The following OSBPL10 variants were observed in gnomAD, a reference collection of about 807,000 sequenced individuals.
OSBPL10 encodes oxysterol-binding protein-related protein 10.
Under a neutral mutation model 81.7 loss-of-function variants are expected in OSBPL10, and 49 were observed. The ratio of observed to expected loss-of-function variants is 0.60; its 90% CI spans 0.48 to 0.76. The LOEUF (loss-of-function observed/expected upper bound fraction) is 0.76, where lower values mean the gene tolerates loss of function less well. OSBPL10 is among the 30% of genes least tolerant of loss of function. The probability of loss-of-function intolerance (pLI) is 0.00; values close to 1 mark genes in which losing one functional copy is unlikely to be tolerated. For missense variants in OSBPL10, 923 were observed against 987.8 expected (o/e 0.93, Z 0.88); for synonymous variants, 419 against 383.6 (o/e 1.09, Z -1.08).
intron 7 of OSBPL10, among the ~76,000 whole-genome samples, chr3:31,700,652 T>C (rs1185968035): frequency 6.6e-6 from 1 of 152,250 alleles, no homozygotes; most frequent in Non-Finnish European, 1.5e-5. Flanking sequence ...AACTCACTAA[T>C]GGTTCATGAC....
At chr3:31,863,172 C>G (rs1701099743) in intron 3 of OSBPL10, among the ~76,000 whole-genome samples, 1 of 152,096 alleles carries the variant, frequency 6.6e-6, no homozygotes, top group African/African-American at 2.4e-5. Context: ...CAAAGAGACA[C>G]AATATTGCAT....
chr3:31,980,422 G>A (rs184720032), intron 1 of OSBPL10, among the ~76,000 whole-genome samples: 1 of 152,180 alleles, frequency 6.6e-6, no homozygotes. Context: ...TGATGGTGGT[G>A]GTGTTCTGAA....
intron 5 of OSBPL10, among the ~76,000 whole-genome samples, chr3:31,747,510 A>C (rs1697564177): frequency 6.7e-6 from 1 of 148,344 alleles, no homozygotes; most frequent in African/African-American, 2.6e-5. Context: ...AAAAAAAAAA[A>C]CACAGAATGC....
intron 4 of OSBPL10, among the ~76,000 whole-genome samples, chr3:31,791,519 T>C (rs190605776): frequency 6.6e-6 from 1 of 152,350 alleles, no homozygotes; most frequent in East Asian, 1.9e-4. Context: ...TTCAGTCTTA[T>C]GCCCCAGAGG....
chr3:31,931,664 A>T (rs192174556), intron 1 of OSBPL10, among the ~76,000 whole-genome samples: 52 of 152,370 alleles, frequency 3.4e-4, no homozygotes, highest in Admixed American at 3.4e-3. Flanking sequence ...TTCTTACAGA[A>T]CACTCATTAT....
At chr3:31,912,027 G>A (rs1056321791) in intron 1 of OSBPL10, among the ~76,000 whole-genome samples, 1 of 151,528 alleles carries the variant, frequency 6.6e-6, no homozygotes, top group African/African-American at 2.4e-5. Context: ...CCACGGTACA[G>A]TATGCCGAAA....
In OSBPL10 at chr3:31,672,315, A is replaced by G. The variant is rs551209167; in HGVS notation, c.1727-1332T>C. Among the ~76,000 whole-genome samples the G allele has an allele frequency of 2.2e-5, 3 of 134,358 alleles. No individual in the cohort carries two copies. In the East Asian group the frequency reaches 7.5e-4, roughly 34 times the overall value. 88.1% of individuals were successfully genotyped at this position (134,358 alleles called of 152,430 possible). A position where few individuals can be genotyped will look rare whatever the true frequency, so the allele number is the denominator to read the frequency against. On this transcript the variant is annotated intron_variant, in intron 8 of 11. Coordinates refer to ENST00000396556, the MANE Select transcript of OSBPL10 (RefSeq NM_017784.5). Reference sequence around the variant, plus strand: ...TTCAGCTGTTTAATACTTCCCTCTTAGGCTACATAAGCATCTAAATCACTT... The same window carrying G: ...TTCAGCTGTTTAATACTTCCCTCTTGGGCTACATAAGCATCTAAATCACTT...
At chr3:31,893,680 G>C (rs1388986352) in intron 1 of OSBPL10, among the ~76,000 whole-genome samples, 1 of 151,904 alleles carries the variant, frequency 6.6e-6, no homozygotes, top group East Asian at 1.9e-4. Context: ...CCATCCCATG[G>C]CATACTATTC....
At chr3:31,989,643 A>C (rs6419811) in intron 2 of OSBPL10, 29 of 1,613,882 alleles carry the variant, frequency 1.8e-5, no homozygotes, top group Non-Finnish European at 2.3e-5. Context: ...ATGCTTCCTC[A>C]GTTCTAACGT....
At chr3:31,786,591 T>G (rs1184189068) in intron 4 of OSBPL10, among the ~76,000 whole-genome samples, 1 of 152,136 alleles carries the variant, frequency 6.6e-6, no homozygotes, top group Non-Finnish European at 1.5e-5. Flanking sequence ...TTACAAGGCA[T>G]TGCTGATGGT....
At chr3:31,770,338 A>G (rs1208720410) in intron 4 of OSBPL10, among the ~76,000 whole-genome samples, 1 of 152,236 alleles carries the variant, frequency 6.6e-6, no homozygotes, top group African/African-American at 2.4e-5. Flanking sequence ...AGATTAAAAA[A>G]TAATCGACCC....
At chr3:32,011,719 GAAT>G (rs1699261956) in intron 2 of OSBPL10, among the ~76,000 whole-genome samples, 1 of 152,152 alleles carries the variant, frequency 6.6e-6, no homozygotes, top group Admixed American at 6.5e-5. Flanking sequence ...TGGCTAACTA[GAAT>G]AATAACCAAT....
At chr3:31,881,007 T>G (rs1387076546) in intron 1 of OSBPL10, among the ~76,000 whole-genome samples, 1 of 152,186 alleles carries the variant, frequency 6.6e-6, no homozygotes, top group Non-Finnish European at 1.5e-5. Context: ...GAAAAACACT[T>G]GCCCAGAATG....
chr3:31,758,224 TA>T (rs1697941264), intron 4 of OSBPL10, among the ~76,000 whole-genome samples: 1 of 152,248 alleles, frequency 6.6e-6, no homozygotes, highest in East Asian at 1.9e-4. Context: ...ACCTCTCATG[TA>T]TACATGATAT....
chr3:31,906,847 C>G (rs1696421807), intron 1 of OSBPL10: 3 of 152,186 alleles, frequency 2.0e-5, no homozygotes, highest in African/African-American at 7.2e-5. Flanking sequence ...AGAAAACTGA[C>G]TGAAGTAAAA....
intron 4 of OSBPL10, among the ~76,000 whole-genome samples, chr3:31,759,183 A>C (rs1439381472): frequency 6.6e-6 from 1 of 152,228 alleles, no homozygotes. Context: ...GTTTTCAAAG[A>C]AAATGCCACT....
At chr3:32,054,538 T>TTTTC in intron 1 of OSBPL10, among the ~76,000 whole-genome samples, 1 of 140,338 alleles carries the variant, frequency 7.1e-6, no homozygotes, top group Admixed American at 7.3e-5. Context: ...TTTTTTTTTT[T>TTTTC]TTTTTTTTTT....
At chr3:31,944,783 A>T (rs1697645269) in intron 1 of OSBPL10, among the ~76,000 whole-genome samples, 1 of 139,066 alleles carries the variant, frequency 7.2e-6, no homozygotes, top group Admixed American at 7.8e-5. Flanking sequence ...GTGAGCTATG[A>T]TTGCACCACT....
At chr3:31,891,358 A>T (rs1049098907) in intron 1 of OSBPL10, among the ~76,000 whole-genome samples, 2 of 152,280 alleles carry the variant, frequency 1.3e-5, no homozygotes, top group Non-Finnish European at 2.9e-5. Context: ...TTCCCAGGTG[A>T]TGCTGATGCT....
Sources: allele counts gnomAD v4.1 joint callset (sites outside exome capture counted in the v4.1 genomes callset), GRCh38; gene constraint gnomAD v4.1.1; transcripts MANE v1.5; gene names NCBI Gene and HGNC (gene_info 2026-07-23, HGNC 2026-07-21).